The following KIAA1210 variants were observed in gnomAD, a reference collection of about 807,000 sequenced individuals.
KIAA1210 encodes the protein KIAA1210.
A neutral mutation model predicts 78.9 loss-of-function variants in KIAA1210; 48 were observed. The ratio of observed to expected loss-of-function variants is 0.61; its 90% confidence interval spans 0.48 to 0.77. The LOEUF (loss-of-function observed/expected upper bound fraction) is 0.77, where lower values mean the gene tolerates loss of function less well. Ranked by LOEUF, KIAA1210 falls within the 30% of genes least tolerant of loss-of-function variation. The pLI is 0.00. For synonymous variants in KIAA1210, 406 were observed against 404.5 expected, an observed-to-expected ratio of 1.00 and a Z score of -0.04; for missense variants, 1,108 against 1,100.0, an observed-to-expected ratio of 1.01 and a Z score of -0.10.
chrX:119,140,393 G>A (rs1250990049), intron 2 of KIAA1210, among the ~76,000 whole-genome samples: 6 of 109,510 alleles, frequency 5.5e-5, no homozygotes, highest in African/African-American at 2.0e-4. Context: ...GCCGGGTGTG[G>A]TGGCATGCGG....
At position 119,089,621 on chromosome X, in the gene KIAA1210, A is replaced by G; in HGVS notation, c.1081T>C (p.Trp361Arg). The G allele has an allele frequency of 2.5e-6, 3 of 1,211,061 alleles. No individual in the cohort carries two copies. Among genetic ancestry groups the G allele is most frequent in the Non-Finnish European group, 3.4e-6 (3 of 895,260 alleles). The change falls in exon 9 of 12, where the codon TGG becomes CGG. Residue 361 changes from tryptophan to arginine, a missense_variant. Physicochemically the swap from Trp to Arg is moderately radical, Grantham distance 101. Transcript: ENST00000691062. ...YPMSAAYGRRWRRKGASVSGL... is the reference protein window; with the variant it reads ...YPMSAAYGRRRRRKGASVSGL... ...GAAACACTTGCTCCTTTTCTTCTCC[A>G]TCTTCTTCCATATGCTGCTGACATT...
chrX:119,100,442 G>A (rs750248022), intron 6 of KIAA1210, among the ~76,000 whole-genome samples: 1 of 107,748 alleles, frequency 9.3e-6, no homozygotes, highest in Non-Finnish European at 1.9e-5. Flanking sequence ...AAAGAAAAAC[G>A]AGTGGAGAAA....
intron 1 of KIAA1210, among the ~76,000 whole-genome samples, chrX:119,149,224 T>C (rs1383774974): frequency 9.0e-6 from 1 of 110,914 alleles, no homozygotes; most frequent in African/African-American, 3.3e-5. Flanking sequence ...ATTTACATTC[T>C]CTCCTACTGA....
In KIAA1210 at chrX:119,086,844, C is replaced by T. The variant is rs1927155693; in HGVS notation, c.3858G>A (p.Gln1286=). Residue 1286 remains glutamine (Q), a synonymous_variant, in exon 9 of 12, where the codon CAG becomes CAA. Transcript: ENST00000691062. The stretch of plus-strand genomic sequence containing the variant: ...CATCCTGATTGGATAGGTTTGCATG[C>T]TGGTTATTATTACCATCACCACTCT... ...DLESGDGNNN[Q]HANLSNQDDV... The T allele has an allele frequency of 1.7e-6, 2 of 1,209,594 alleles. No individual in the cohort carries two copies. The highest frequency in any genetic ancestry group is 3.5e-5 in the South Asian group (2 of 56,726).
Position 119,099,106 on chromosome X carries a change from C to T in KIAA1210, c.649-2415G>A, listed in dbSNP as rs761868837. Among the ~76,000 whole-genome samples the T allele has an allele frequency of 2.7e-5, 3 of 112,730 alleles. No individual in the cohort carries two copies. In the South Asian group the frequency reaches 1.1e-3, roughly 41 times the overall value. ...CTGGAAACCCTAAAAGAACACCGTA[C>T]AACTTGCTTTGCATGAAAGCCAACT... On this transcript the variant is annotated intron_variant, in intron 6 of 11. Transcript: ENST00000691062.
intron 2 of KIAA1210, among the ~76,000 whole-genome samples, chrX:119,144,502 A>G (rs1245616454): frequency 1.8e-5 from 2 of 111,899 alleles, no homozygotes; most frequent in Non-Finnish European, 3.8e-5. Flanking sequence ...AAGCACTACT[A>G]TGATTACCAT....
At chrX:119,149,087 A>T (rs1193419062) in intron 1 of KIAA1210, among the ~76,000 whole-genome samples, 1 of 109,096 alleles carries the variant, frequency 9.2e-6, no homozygotes, top group African/African-American at 3.3e-5. Flanking sequence ...GGGAGCAGTG[A>T]GTGTTTGAGC....
chrX:119,094,121 A>ATTGTTGTCAGGCC, intron 7 of KIAA1210: 3 of 1,008,406 alleles, frequency 3.0e-6, no homozygotes, highest in Non-Finnish European at 4.2e-6. Flanking sequence ...ATTGGGCCTG[A>ATTGTTGTCAGGCC]CAACAATCAT....
rs768265291 is a variant in KIAA1210 at position 119,087,525 on chromosome X, C to T, written c.3177G>A (p.Lys1059=). 1.7e-6 allele frequency: 2 copies of T among 1,209,556 alleles called. No homozygotes were observed. Among genetic ancestry groups the T allele is most frequent in the East Asian group, 5.9e-5 (2 of 33,784 alleles). The change falls in exon 9 of 12, where the codon AAG becomes AAA. Residue 1059 remains lysine, a synonymous_variant. Coordinates refer to ENST00000691062, the MANE Select transcript of KIAA1210 (RefSeq NM_001394962.1). ...PSKSLSKPEV[K]HQVFSDSGSA... ...TCCCTGAATCTGAGAAAACTTGGTG[C>T]TTGACTTCAGGCTTTGATAAAGATT...
At position 119,127,755 on chromosome X, in the gene KIAA1210, G is replaced by A. The variant is rs1352752111; in HGVS notation, c.-39C>T. The stretch of plus-strand genomic sequence containing the variant: ...CTTTATGTCCTCACTTTCTATTCTC[G>A]TGAGCTCTCCAATCAGGCTTCCAAA... On this transcript the variant is annotated 5_prime_UTR_variant, in exon 1 of 12. In the 5' UTR this introduces an upstream ATG that the reference lacks. Transcript: ENST00000691062. Among the ~76,000 whole-genome samples the A allele has an allele frequency of 9.0e-6, 1 of 111,481 alleles. No individual in the cohort carries two copies. Among genetic ancestry groups the A allele is most frequent in the Non-Finnish European group, 1.9e-5 (1 of 53,125 alleles).
chrX:119,150,694 C>A (rs1929278159), upstream of KIAA1210: 1 of 817,543 alleles, frequency 1.2e-6, no homozygotes, highest in South Asian at 2.5e-5. Context: ...CGCACACCTG[C>A]GCGAGCTCTC....
chrX:119,125,455 T>C (rs1928598752), intron 1 of KIAA1210, among the ~76,000 whole-genome samples: 1 of 108,023 alleles, frequency 9.3e-6, no homozygotes, highest in Non-Finnish European at 1.9e-5. Flanking sequence ...ACAACCAAAG[T>C]GATCATGAAA....
rs763459274 is a variant in KIAA1210, at chrX:119,116,668, G to C, written c.62-4C>G. The C allele has an allele frequency of 2.5e-6, 3 of 1,193,864 alleles. No homozygotes were observed. In the Admixed American group the frequency reaches 6.8e-5, roughly 27 times the overall value. On this transcript the variant is annotated splice_polypyrimidine_tract_variant and splice_region_variant and intron_variant, in intron 2 of 11. Coordinates refer to ENST00000691062, the MANE Select transcript of KIAA1210 (RefSeq NM_001394962.1). ...TTAAATTTGCATTTCTTCTTTCCTGGAAGTGAAAAATGAAAATGAGGCAGA... is the reference window on the plus strand; with the variant it reads ...TTAAATTTGCATTTCTTCTTTCCTGCAAGTGAAAAATGAAAATGAGGCAGA...
intron 6 of KIAA1210, 117 bp downstream of exon 6, chrX:119,104,875 G>C: frequency 1.5e-6 from 1 of 662,274 alleles, no homozygotes; most frequent in Non-Finnish European, 2.2e-6. Flanking sequence ...AAGAATGTCA[G>C]GTCCTTCCCC....
chrX:119,092,653 A>C (rs776398874), intron 8 of KIAA1210, among the ~76,000 whole-genome samples: 8 of 109,356 alleles, frequency 7.3e-5, no homozygotes, highest in African/African-American at 2.7e-4. Flanking sequence ...CCCAGCTACT[A>C]GGGAGGCTGA....
rs758026730 is a variant in KIAA1210 at position 119,117,225 on chromosome X, G to A, written c.62-561C>T. Among the ~76,000 whole-genome samples the A allele has an allele frequency of 2.7e-5, 3 of 112,579 alleles. No homozygotes were observed. The Admixed American group carries it at 2.8e-4, about 11-fold the overall frequency. ...CAAAGAGTGAGTGCGGTTGGTTAGTGCAGTCCAGGAACACTTCCTTGAGGA... is the reference window on the plus strand; with the variant it reads ...CAAAGAGTGAGTGCGGTTGGTTAGTACAGTCCAGGAACACTTCCTTGAGGA... On this transcript the variant is annotated intron_variant, in intron 2 of 11. Coordinates refer to ENST00000691062, the MANE Select transcript of KIAA1210 (RefSeq NM_001394962.1).
rs1927270871 is a variant in KIAA1210, at chrX:119,089,003, C to CT, written c.1698dup (p.Ala567SerfsTer33). On this transcript the variant is annotated frameshift_variant, in exon 9 of 12. Coordinates refer to ENST00000691062, the MANE Select transcript of KIAA1210 (RefSeq NM_001394962.1). LOFTEE classifies it high-confidence loss of function. Reference sequence around the variant, plus strand: ...GTACTTGTCATACCCAAAACACTTGCTGTAAAGGTCTGGTGAACATTTCCA... The same window carrying CT: ...GTACTTGTCATACCCAAAACACTTGCTTGTAAAGGTCTGGTGAACATTTCCA... The CT allele has an allele frequency of 8.3e-7, 1 of 1,210,488 alleles. No homozygotes were observed. Among genetic ancestry groups the CT allele is most frequent in the African/African-American group, 1.7e-5 (1 of 57,372 alleles).
intron 2 of KIAA1210, among the ~76,000 whole-genome samples, chrX:119,133,447 A>G (rs16995424): frequency 0.013 from 1,428 of 111,578 alleles, 28 homozygotes; most frequent in African/African-American, 0.044. Context: ...GGTTCCACCC[A>G]GGATACAACT....
At chrX:119,129,568 G>T (rs1449701040), upstream of KIAA1210, among the ~76,000 whole-genome samples, 1 of 110,977 alleles carries the variant, frequency 9.0e-6, no homozygotes, top group Non-Finnish European at 1.9e-5. Flanking sequence ...GCTATACGGG[G>T]CAGAGGAAGA....
Sources: gnomAD v4.1 joint callset for allele counts (sites outside exome capture counted in the v4.1 genomes callset) on GRCh38, gnomAD v4.1.1 for gene constraint, MANE v1.5 for transcripts, NCBI Gene and HGNC (gene_info 2026-07-23, HGNC 2026-07-21) for gene names.